CFAP299: variants seen among roughly 807,000 people sequenced by gnomAD.
The protein encoded by CFAP299 is cilia- and flagella-associated protein 299.
CFAP299 carries 21 observed loss-of-function variants against 27.0 expected under a neutral mutation model. That is an observed-to-expected ratio of 0.78 (90% CI 0.55 to 1.12). The LOEUF is 1.12. CFAP299 is among the 50% of genes most tolerant of loss of function. The pLI, the probability that CFAP299 is intolerant of heterozygous loss-of-function variation, is 0.00. For missense variants in CFAP299, 310 were observed against 276.6 expected, an observed-to-expected ratio of 1.12 and a Z score of -0.86; for synonymous variants, 104 against 98.1, an observed-to-expected ratio of 1.06 and a Z score of -0.36.
intron 3 of CFAP299, among the ~76,000 whole-genome samples, chr4:80,742,416 T>C (rs530596990): frequency 6.4e-4 from 97 of 152,292 alleles, no homozygotes; most frequent in Non-Finnish European, 6.9e-4. Flanking sequence ...TTCTAATAAG[T>C]GCCAGGTACC....
chr4:80,387,484 C>T (rs568641039), intron 2 of CFAP299: 2 of 813,620 alleles, frequency 2.5e-6, no homozygotes, highest in Admixed American at 3.7e-5. Context: ...CTTGCTATCG[C>T]TGGCTGTGGG....
chr4:80,467,288 T>C (rs1042156004), intron 2 of CFAP299, among the ~76,000 whole-genome samples: 1 of 152,246 alleles, frequency 6.6e-6, no homozygotes, highest in African/African-American at 2.4e-5. Flanking sequence ...GGTTTGGGCC[T>C]ATTGATGGTG....
intron 3 of CFAP299, among the ~76,000 whole-genome samples, chr4:80,800,497 TAATATATTATATAATATATAATATA>T (rs1560419113): frequency 0.019 from 115 of 6,152 alleles, 11 homozygotes; most frequent in East Asian, 0.14. Flanking sequence ...ATATAATATA[TAATATATTATATAATATATAATATA>T]TAATATATTA....
At chr4:80,483,010 G>T (rs768854916) in intron 2 of CFAP299, among the ~76,000 whole-genome samples, 1 of 152,106 alleles carries the variant, frequency 6.6e-6, no homozygotes, top group South Asian at 2.1e-4. Flanking sequence ...ATAGCAAAAC[G>T]GAACTAAGGT....
chr4:80,438,032 G>A (rs559196397), intron 2 of CFAP299, among the ~76,000 whole-genome samples: 24 of 152,264 alleles, frequency 1.6e-4, no homozygotes, highest in East Asian at 1.9e-4. Flanking sequence ...AACAGAAAAA[G>A]CATCTTTGCT....
intron 2 of CFAP299, among the ~76,000 whole-genome samples, chr4:80,454,859 G>C (rs1446215374): frequency 1.3e-5 from 2 of 152,130 alleles, no homozygotes; most frequent in East Asian, 1.9e-4. Context: ...GGATAACATG[G>C]TGGGTAGGGG....
At chr4:80,530,845 G>A (rs941172294) in intron 2 of CFAP299, among the ~76,000 whole-genome samples, 4 of 152,194 alleles carry the variant, frequency 2.6e-5, no homozygotes, top group African/African-American at 9.6e-5. Context: ...AGACCTTGAG[G>A]TTGATGTGCT....
chr4:80,433,490 A>G (rs1727921604), intron 2 of CFAP299, among the ~76,000 whole-genome samples: 1 of 152,208 alleles, frequency 6.6e-6, no homozygotes, highest in African/African-American at 2.4e-5. Flanking sequence ...CAGTTTCTCA[A>G]AACTATAATT....
intron 2 of CFAP299, among the ~76,000 whole-genome samples, chr4:80,507,611 C>G (rs576842675): frequency 6.6e-6 from 1 of 152,212 alleles, no homozygotes; most frequent in East Asian, 1.9e-4. Flanking sequence ...AAAGAGATGC[C>G]AACTCCATTG....
intron 3 of CFAP299, among the ~76,000 whole-genome samples, chr4:80,820,874 T>G (rs1381379332): frequency 6.6e-6 from 1 of 152,192 alleles, no homozygotes; most frequent in Non-Finnish European, 1.5e-5. Context: ...TAGAAACTTC[T>G]TAAATAATAT....
intron 1 of CFAP299, among the ~76,000 whole-genome samples, chr4:80,346,286 C>G (rs935811875): frequency 3.2e-4 from 48 of 152,044 alleles, no homozygotes; most frequent in Admixed American, 2.6e-3. Flanking sequence ...TAATGAGATC[C>G]CATTTGTCTA....
At chr4:80,935,562 C>T (rs577124505) in intron 4 of CFAP299, among the ~76,000 whole-genome samples, 2 of 151,998 alleles carry the variant, frequency 1.3e-5, no homozygotes, top group East Asian at 1.9e-4. Flanking sequence ...ATACTAAAAT[C>T]GACTCTAATT....
At chr4:80,556,776 T>C (rs377532719) in intron 2 of CFAP299, among the ~76,000 whole-genome samples, 11 of 151,956 alleles carry the variant, frequency 7.2e-5, no homozygotes, top group African/African-American at 2.7e-4. Flanking sequence ...GTAGCCAAAA[T>C]TATGTTTACT....
At chr4:80,718,072 G>A (rs1722592671) in intron 3 of CFAP299, among the ~76,000 whole-genome samples, 1 of 152,036 alleles carries the variant, frequency 6.6e-6, no homozygotes, top group African/African-American at 2.4e-5. Flanking sequence ...GAGAAAGGTA[G>A]CAAAGAACAG....
chr4:80,429,315 A>T (rs1442689970), intron 2 of CFAP299, among the ~76,000 whole-genome samples: 1 of 146,610 alleles, frequency 6.8e-6, no homozygotes, highest in African/African-American at 2.5e-5. Flanking sequence ...TTGGAGAGAA[A>T]ATACATATTT....
intron 3 of CFAP299, among the ~76,000 whole-genome samples, chr4:80,771,918 C>T (rs1470201280): frequency 1.3e-5 from 2 of 152,156 alleles, no homozygotes; most frequent in Non-Finnish European, 2.9e-5. Flanking sequence ...TTATTCTTTG[C>T]TGAACGATGA....
intron 2 of CFAP299, among the ~76,000 whole-genome samples, chr4:80,372,953 T>C (rs962100006): frequency 2.0e-5 from 3 of 152,208 alleles, no homozygotes; most frequent in Non-Finnish European, 4.4e-5. Context: ...GAAGACACAT[T>C]AGTCTGTTCC....
At chr4:80,697,633 G>A (rs888415774) in intron 3 of CFAP299, among the ~76,000 whole-genome samples, 4 of 152,202 alleles carry the variant, frequency 2.6e-5, no homozygotes, top group Admixed American at 2.6e-4. Flanking sequence ...TCCCTGGGAT[G>A]GATCATGGCC....
intron 3 of CFAP299, among the ~76,000 whole-genome samples, chr4:80,808,423 T>C (rs1012196817): frequency 2.0e-5 from 3 of 152,146 alleles, no homozygotes; most frequent in Non-Finnish European, 4.4e-5. Flanking sequence ...CTGTATATTA[T>C]TTCTCTACCA....
Sources: gnomAD v4.1 joint callset for allele counts (sites outside exome capture counted in the v4.1 genomes callset) on GRCh38, gnomAD v4.1.1 for gene constraint, MANE v1.5 for transcripts, NCBI Gene and HGNC (gene_info 2026-07-23, HGNC 2026-07-21) for gene names.